The following BRWD1 variants were observed in gnomAD, a reference collection of about 807,000 sequenced individuals.
BRWD1 encodes the protein bromodomain and WD repeat domain containing 1.
Under a neutral mutation model 251.2 loss-of-function variants are expected in BRWD1, and 82 were observed. The ratio of observed to expected loss-of-function variants is 0.33; its 90% CI spans 0.27 to 0.39. BRWD1 has a LOEUF of 0.39. Among genes scored for constraint, BRWD1 ranks in the 10% least tolerant of loss-of-function variants. BRWD1 has a pLI of 1.00. For missense variants in BRWD1, 2,233 were observed against 2,711.6 expected, an observed-to-expected ratio of 0.82 and a Z score of 3.92; for synonymous variants, 918 against 902.8, an observed-to-expected ratio of 1.02 and a Z score of -0.30.
At chr21:39,272,903 T>C (rs1400432238) in intron 13 of BRWD1, among the ~76,000 whole-genome samples, 1 of 152,208 alleles carries the variant, frequency 6.6e-6, no homozygotes, top group Non-Finnish European at 1.5e-5. Flanking sequence ...TGAGCCACTA[T>C]GCCCAGCCAC....
chr21:39,295,624 A>G (rs1467232325), intron 7 of BRWD1, 119 bp downstream of exon 7: 4 of 748,748 alleles, frequency 5.3e-6, no homozygotes, highest in African/African-American at 1.8e-5. Flanking sequence ...GACCCACACC[A>G]TACCTACTGA....
Position 39,215,369 on chromosome 21 carries a change from A to G in BRWD1, c.3660-7T>C. The G allele has an allele frequency of 1.2e-6, 2 of 1,611,558 alleles. No homozygotes were observed. The highest frequency in any genetic ancestry group is 1.1e-5 in the South Asian group (1 of 90,854). ...AACTAACGCAGACAGCCTCCTTCAA[A>G]ATAAAGTAGACAATTTAGGGCTTAG... On this transcript the variant is annotated splice_polypyrimidine_tract_variant and splice_region_variant and intron_variant, in intron 31 of 40. Coordinates refer to ENST00000342449, the MANE Select transcript of BRWD1 (RefSeq NM_033656.4).
At chr21:39,294,476 T>C (rs926040260) in intron 7 of BRWD1, among the ~76,000 whole-genome samples, 2 of 20,898 alleles carry the variant, frequency 9.6e-5, no homozygotes, top group Admixed American at 4.5e-4. Context: ...GCTAAGGCAG[T>C]GAAACCTTTC....
rs911610435 is a variant in BRWD1 at position 39,194,955 on chromosome 21, G to C, written c.*1304C>G. ...TACCCACTAAATATGTAAACCATTT[G>C]AATCAAGTCCATCTTCAGGCACAAA... On this transcript the variant is annotated 3_prime_UTR_variant, in exon 41 of 41. Transcript: ENST00000342449. 8 of 1,454,134 alleles carry C rather than the reference G, an allele frequency of 5.5e-6. No homozygotes were observed. The highest frequency in any genetic ancestry group is 1.4e-5 in the South Asian group (1 of 69,504). 90.1% of individuals were successfully genotyped at this position (1,454,134 alleles called of 1,614,324 possible). A position where few individuals can be genotyped will look rare whatever the true frequency, so the allele number is the denominator to read the frequency against.
chr21:39,246,848 C>T (rs1162315686), intron 21 of BRWD1, among the ~76,000 whole-genome samples: 4 of 152,090 alleles, frequency 2.6e-5, no homozygotes, highest in Non-Finnish European at 4.4e-5. Context: ...TCTGGGAGGC[C>T]GAGGCAGGTG....
intron 27 of BRWD1, 29 bp downstream of exon 27, chr21:39,228,471 T>C (rs1370008253): frequency 6.8e-7 from 1 of 1,462,610 alleles, no homozygotes; most frequent in East Asian, 2.3e-5. Context: ...TTTTTAAGGG[T>C]ATATAAAACT....
At position 39,312,874 on chromosome 21, in the gene BRWD1, C is replaced by T; in HGVS notation, c.165G>A (p.Glu55=). The T allele has an allele frequency of 6.4e-7, 1 of 1,568,172 alleles. No homozygotes were observed. Among genetic ancestry groups the T allele is most frequent in the Middle Eastern group, 2.3e-4 (1 of 4,298 alleles). Residue 55 remains glutamate, a synonymous_variant, in exon 4 of 41, where the codon GAG becomes GAA. Transcript: ENST00000342449. ...CGTAGCTCCTGTTGTGCTCGTTGCC[C>T]TCCCAGTCCAATCTCTTCGGCAACA... ...YQLLPKRLDW[E]GNEHNRSYEE...
upstream of BRWD1, among the ~76,000 whole-genome samples, chr21:39,316,680 T>A (rs2036702096): frequency 6.6e-6 from 1 of 152,212 alleles, no homozygotes; most frequent in Non-Finnish European, 1.5e-5. Context: ...GGCTCACACC[T>A]GTAATCCCAG....
At chr21:39,266,658 G>A (rs2034931658) in intron 15 of BRWD1, among the ~76,000 whole-genome samples, 1 of 152,232 alleles carries the variant, frequency 6.6e-6, no homozygotes, top group Non-Finnish European at 1.5e-5. Flanking sequence ...ACTTGTAACT[G>A]GAAGCGTCCT....
At chr21:39,316,619 A>C (rs2036701371), upstream of BRWD1, among the ~76,000 whole-genome samples, 1 of 152,240 alleles carries the variant, frequency 6.6e-6, no homozygotes, top group Admixed American at 6.5e-5. Context: ...TACTGGCACC[A>C]TGATAACCAT....
intron 21 of BRWD1, among the ~76,000 whole-genome samples, chr21:39,242,968 A>G (rs1174196107): frequency 6.6e-6 from 1 of 152,198 alleles, no homozygotes; most frequent in African/African-American, 2.4e-5. Flanking sequence ...AAGACCTCTG[A>G]TGGGCACATC....
chr21:39,239,777 C>T (rs2033928752), intron 21 of BRWD1, among the ~76,000 whole-genome samples: 1 of 152,088 alleles, frequency 6.6e-6, no homozygotes, highest in Admixed American at 6.5e-5. Flanking sequence ...TGTGGATCAG[C>T]AGGAACTCTC....
chr21:39,245,219 C>T (rs8129416), intron 21 of BRWD1, among the ~76,000 whole-genome samples: 45,660 of 151,458 alleles, frequency 0.3, 7,336 homozygotes, highest in Middle Eastern at 0.36. Context: ...CTACAGCCTA[C>T]GCAACAGAGC....
At chr21:39,219,623 C>G (rs2033091625) in intron 29 of BRWD1, 1 of 152,186 alleles carries the variant, frequency 6.6e-6, no homozygotes, top group African/African-American at 2.4e-5. Context: ...AGAGAATGCT[C>G]ATGGGAGCAT....
intron 8 of BRWD1, among the ~76,000 whole-genome samples, chr21:39,289,064 A>G (rs1478332644): frequency 6.6e-6 from 1 of 152,206 alleles, no homozygotes; most frequent in Non-Finnish European, 1.5e-5. Flanking sequence ...TTCAGTTGAG[A>G]CTTGCTTTAG....
rs2031382973 is a variant in BRWD1, at chr21:39,188,692, G to C, written c.*7567C>G. ...GCAAGCACTTCAGATTTTTCCCTAA[G>C]TCTATGAAACTGATTTCACACTTCT... On this transcript the variant is annotated 3_prime_UTR_variant, in exon 41 of 41. Coordinates refer to ENST00000342449, the MANE Select transcript of BRWD1 (RefSeq NM_033656.4). 1.0e-6 allele frequency: 1 copy of C among 985,264 alleles called. No individual in the cohort carries two copies. Among genetic ancestry groups the C allele is most frequent in the Non-Finnish European group, 1.2e-6 (1 of 829,926 alleles). 61.0% of individuals were successfully genotyped at this position (985,264 alleles called of 1,614,324 possible).
Position 39,313,617 on chromosome 21 carries a change from A to G in BRWD1, c.-126T>C. On this transcript the variant is annotated 5_prime_UTR_variant, in exon 1 of 41. Coordinates refer to ENST00000342449, the MANE Select transcript of BRWD1 (RefSeq NM_033656.4). ...CCGCCGCCGCCGCCGCCGCCGCCATACCGTGCGCGCCGCCTGGACCGACGC... is the reference window on the plus strand; with the variant it reads ...CCGCCGCCGCCGCCGCCGCCGCCATGCCGTGCGCGCCGCCTGGACCGACGC... 7.0e-6 allele frequency: 5 copies of G among 717,858 alleles called. No homozygotes were observed. The highest frequency in any genetic ancestry group is 9.5e-6 in the Non-Finnish European group (5 of 526,532). 44.5% of individuals were successfully genotyped at this position (717,858 alleles called of 1,614,324 possible).
intron 24 of BRWD1, 38 bp downstream of exon 24, chr21:39,232,335 G>C (rs2033647902): frequency 1.2e-6 from 2 of 1,602,244 alleles, no homozygotes; most frequent in African/African-American, 2.7e-5. Flanking sequence ...TAAACTTTAT[G>C]TTCCATATTC....
intron 8 of BRWD1, 60 bp downstream of exon 8, chr21:39,293,751 T>A: frequency 7.5e-7 from 1 of 1,333,266 alleles, no homozygotes; most frequent in Non-Finnish European, 1.1e-6. Flanking sequence ...CCAAAGAAAC[T>A]GTTTTAAAGA....
Sources: allele counts gnomAD v4.1 joint callset (sites outside exome capture counted in the v4.1 genomes callset), GRCh38; gene constraint gnomAD v4.1.1; transcripts MANE v1.5; gene names NCBI Gene and HGNC (gene_info 2026-07-23, HGNC 2026-07-21).